Variants in TMEM132B observed in about 807,000 individuals in gnomAD.
The protein encoded by TMEM132B is transmembrane protein 132B.
In TMEM132B, 18 loss-of-function variants were observed where a neutral mutation model predicts 90.8. The observed-to-expected ratio is 0.20, with a 90% CI of 0.14 to 0.29. TMEM132B has a LOEUF of 0.29. Among genes scored for constraint, TMEM132B ranks in the 10% least tolerant of loss-of-function variants. The pLI is 1.00. For synonymous variants in TMEM132B, 504 were observed against 523.3 expected (o/e 0.96, Z 0.50); for missense variants, 1,096 against 1,326.8 (o/e 0.83, Z 2.70).
chr12:125,413,547 G>A (rs1430953612), intron 2 of TMEM132B, among the ~76,000 whole-genome samples: 2 of 152,112 alleles, frequency 1.3e-5, no homozygotes, highest in African/African-American at 4.8e-5. Context: ...TCTACTTTCT[G>A]TCTCTATGGA....
rs868783906 is a variant in TMEM132B at position 125,253,182 on chromosome 12, A to G, written c.67+66316A>G. ...TCCCCACACAGAATTAAACCCTCTC[A>G]TCTCTGCATTTTCTCAGCACTTTAT... On this transcript the variant is annotated intron_variant, in intron 1 of 8. Coordinates refer to ENST00000682704, the MANE Select transcript of TMEM132B (RefSeq NM_001366854.1). Among the ~76,000 whole-genome samples, 44 of 152,092 alleles carry G rather than the reference A, an allele frequency of 2.9e-4. No homozygotes were observed. In the Middle Eastern group the frequency reaches 0.017, roughly 59 times the overall value.
At chr12:125,618,000 A>G (rs1886032013) in intron 5 of TMEM132B, among the ~76,000 whole-genome samples, 1 of 151,602 alleles carries the variant, frequency 6.6e-6, no homozygotes, top group Non-Finnish European at 1.5e-5. Flanking sequence ...CTTAGGTTTG[A>G]ACTTCCTCAC....
chr12:125,238,386 A>C lies in TMEM132B; in HGVS notation c.67+51520A>C, dbSNP rs1022085279. ...AAAACCAAAAAAAAAACAAAAAAAAACCAAAAAAACAAAAACGCAGTCTCA... is the reference window on the plus strand; with the variant it reads ...AAAACCAAAAAAAAAACAAAAAAAACCCAAAAAAACAAAAACGCAGTCTCA... On this transcript the variant is annotated intron_variant, in intron 1 of 8. Coordinates refer to ENST00000682704, the MANE Select transcript of TMEM132B (RefSeq NM_001366854.1). Among the ~76,000 whole-genome samples the C allele has an allele frequency of 2.0e-4, 28 of 142,048 alleles. 2 individuals are homozygous for C. Among genetic ancestry groups the C allele is most frequent in the South Asian group, 1.3e-3 (6 of 4,466 alleles). The allele number at this position is 142,048 out of a possible 152,430, so 93.2% of individuals were successfully genotyped here. A position where few individuals can be genotyped will look rare whatever the true frequency, so the allele number is the denominator to read the frequency against.
At chr12:125,243,982 T>A (rs1874150025) in intron 1 of TMEM132B, among the ~76,000 whole-genome samples, 1 of 152,160 alleles carries the variant, frequency 6.6e-6, no homozygotes, top group Non-Finnish European at 1.5e-5. Context: ...GTTTGCCTAT[T>A]CGGGACATTT....
At chr12:125,270,951 T>G (rs1354022739) in intron 1 of TMEM132B, among the ~76,000 whole-genome samples, 2 of 151,110 alleles carry the variant, frequency 1.3e-5, no homozygotes, top group East Asian at 1.9e-4. Flanking sequence ...CATAGTTGTT[T>G]TTTTTTTTTT....
intron 1 of TMEM132B, among the ~76,000 whole-genome samples, chr12:125,248,106 C>T (rs1449922411): frequency 1.8e-4 from 28 of 152,074 alleles, no homozygotes; most frequent in Admixed American, 1.8e-3. Context: ...GAGGTGGTGA[C>T]CAGGAAAGAG....
intron 3 of TMEM132B, among the ~76,000 whole-genome samples, chr12:125,482,274 A>G (rs1219726909): frequency 1.3e-5 from 2 of 152,236 alleles, no homozygotes; most frequent in African/African-American, 4.8e-5. Context: ...TAAACTAAAG[A>G]GCTTCTGCAC....
At position 125,349,411 on chromosome 12, in the gene TMEM132B, C is replaced by G; in HGVS notation, c.68-41C>G. 2 of 1,556,148 alleles carry G rather than the reference C, an allele frequency of 1.3e-6. No homozygotes were observed. The highest frequency in any genetic ancestry group is 1.7e-6 in the Non-Finnish European group (2 of 1,152,452). On this transcript the variant is annotated intron_variant, in intron 1 of 8. Transcript: ENST00000682704. This position sits in a 1 kb window ranked among gnomAD's most constrained non-coding sequence, Gnocchi z 4.1. Reference sequence around the variant, plus strand: ...GCACTGCATTTATTTCATTACATCTCAGAACACGGTTTTATTCTTTTGCTT... The same window carrying G: ...GCACTGCATTTATTTCATTACATCTGAGAACACGGTTTTATTCTTTTGCTT...
chr12:125,636,197 C>T (rs80101759), intron 5 of TMEM132B, among the ~76,000 whole-genome samples: 2,522 of 152,172 alleles, frequency 0.017, 91 homozygotes, highest in African/African-American at 0.058. Flanking sequence ...GTGGTGGGGA[C>T]GGTCGATGGA....
chr12:125,499,815 A>G (rs1882651201), intron 3 of TMEM132B, among the ~76,000 whole-genome samples: 1 of 152,202 alleles, frequency 6.6e-6, no homozygotes, highest in Admixed American at 6.5e-5. Flanking sequence ...ATCATAGGTT[A>G]TGGAAAGATT....
intron 3 of TMEM132B, among the ~76,000 whole-genome samples, chr12:125,507,122 C>T (rs1338696771): frequency 6.6e-6 from 1 of 152,150 alleles, no homozygotes; most frequent in African/African-American, 2.4e-5. Context: ...TAGACCTAGG[C>T]AGGGTTGGAC....
rs2286289 is a variant in TMEM132B, at chr12:125,661,713, A to G, written c.*7003A>G. On this transcript the variant is annotated 3_prime_UTR_variant, in exon 9 of 9. Transcript: ENST00000682704. ...ACATTATTTGTGGGCATAAGCAAAC[A>G]CCATAACTATGAAAGGCTGAGAGTG... is the stretch of plus-strand genomic sequence containing the variant. 67,579 of 152,060 alleles carry G rather than the reference A, an allele frequency of 0.44. 15,701 individuals carry two copies. The highest frequency in any genetic ancestry group is 0.65 in the East Asian group (3,371 of 5,170). The allele number at this position is 152,060 out of a possible 1,614,324, so 9.4% of individuals were successfully genotyped here.
intron 3 of TMEM132B, among the ~76,000 whole-genome samples, chr12:125,422,205 G>A (rs752435490): frequency 6.6e-6 from 1 of 152,186 alleles, no homozygotes; most frequent in Non-Finnish European, 1.5e-5. Context: ...CTGTAAAGTG[G>A]ATATGGAACG....
At chr12:125,515,350 A>C (rs1225994769) in intron 3 of TMEM132B, among the ~76,000 whole-genome samples, 1 of 151,690 alleles carries the variant, frequency 6.6e-6, no homozygotes, top group African/African-American at 2.4e-5. Context: ...TGTCACACTC[A>C]CACACACATT....
Position 125,478,135 on chromosome 12 carries a change from T to G in TMEM132B, c.1107-41304T>G, listed in dbSNP as rs1881936419. 2.6e-5 allele frequency among the ~76,000 whole-genome samples: 4 copies of G among 152,056 alleles called. No individual in the cohort carries two copies. The South Asian group carries it at 6.2e-4, about 24-fold the overall frequency. ...GGTCACCATCATCAAAGACCAAAGGTAGATAAAACCACAAAGATGGGGAGA... is the reference window on the plus strand; with the variant it reads ...GGTCACCATCATCAAAGACCAAAGGGAGATAAAACCACAAAGATGGGGAGA... On this transcript the variant is annotated intron_variant, in intron 3 of 8. Coordinates refer to ENST00000682704, the MANE Select transcript of TMEM132B (RefSeq NM_001366854.1).
chr12:125,269,391 G>C (rs1874769887), intron 1 of TMEM132B, among the ~76,000 whole-genome samples: 1 of 152,190 alleles, frequency 6.6e-6, no homozygotes, highest in African/African-American at 2.4e-5. Flanking sequence ...CAGCCTTTCT[G>C]GTTCTCTGGC....
chr12:125,258,244 C>T (rs1377032318), intron 1 of TMEM132B, among the ~76,000 whole-genome samples: 2 of 152,134 alleles, frequency 1.3e-5, no homozygotes, highest in East Asian at 3.9e-4. Context: ...AGAAATTACC[C>T]CAAACCTAGT....
intron 5 of TMEM132B, among the ~76,000 whole-genome samples, chr12:125,625,376 G>A (rs878865474): frequency 1.3e-5 from 2 of 151,956 alleles, no homozygotes; most frequent in Admixed American, 6.5e-5. Flanking sequence ...CTCATGATCC[G>A]CCCACCTCGG....
rs1044048820 is a variant in TMEM132B, at chr12:125,556,897, G to C, written c.1294-26954G>C. ...AGCCTCCCAAGTAGCTGGGACTACA[G>C]GCGCCCGCCACCATGCCTGGCTAAT... On this transcript the variant is annotated intron_variant, in intron 4 of 8. Coordinates refer to ENST00000682704, the MANE Select transcript of TMEM132B (RefSeq NM_001366854.1). 8.5e-5 allele frequency among the ~76,000 whole-genome samples: 13 copies of C among 152,272 alleles called. No homozygotes were observed. In the East Asian group the frequency reaches 2.1e-3, roughly 25 times the overall value.
Sources: gnomAD v4.1 joint callset for allele counts (sites outside exome capture counted in the v4.1 genomes callset) on GRCh38, gnomAD v4.1.1 for gene constraint, Gnocchi (gnomAD v3.1) non-coding constraint, MANE v1.5 for transcripts, NCBI Gene and HGNC (gene_info 2026-07-23, HGNC 2026-07-21) for gene names.